Variants in RBBP5 observed in about 807,000 individuals in gnomAD.
The protein encoded by RBBP5 is RB binding protein 5, histone lysine methyltransferase complex subunit.
RBBP5 carries 5 observed loss-of-function variants against 72.2 expected under a neutral mutation model. The observed-to-expected ratio is 0.07, with a 90% CI of 0.04 to 0.15. The LOEUF is 0.15. Ranked by LOEUF, RBBP5 falls within the 10% of genes least tolerant of loss-of-function variation. The pLI is 1.00. For missense variants in RBBP5, 322 were observed against 652.2 expected (o/e 0.49, Z 5.51); for synonymous variants, 209 against 237.2 (o/e 0.88, Z 1.09).
intron 1 of RBBP5, chr1:205,116,409 T>C: frequency 3.9e-6 from 1 of 256,298 alleles, no homozygotes; most frequent in East Asian, 1.0e-4. Context: ...TTCTTAAAAG[T>C]ATAATAGGAT....
chr1:205,115,796 T>C, intron 2 of RBBP5, 62 bp downstream of exon 2: 2 of 1,480,310 alleles, frequency 1.4e-6, no homozygotes, highest in Non-Finnish European at 1.8e-6. Flanking sequence ...GTATTTTCTG[T>C]TCTAACATAA....
intron 11 of RBBP5, among the ~76,000 whole-genome samples, 159 bp from the exon 12 acceptor site, chr1:205,097,070 T>C (rs181852584): frequency 2.4e-4 from 37 of 152,300 alleles, no homozygotes; most frequent in African/African-American, 8.2e-4. Context: ...AACAATGTAA[T>C]TGATAAAATT....
At chr1:205,094,778 G>A (rs1369472788) in intron 13 of RBBP5, 95 bp downstream of exon 13, 3 of 1,312,650 alleles carry the variant, frequency 2.3e-6, no homozygotes, top group Non-Finnish European at 2.1e-6. Context: ...AACGAGGGAA[G>A]AGAGGGGGAA....
At chr1:205,091,084 T>C (rs964842049) in intron 13 of RBBP5, 1 of 152,382 alleles carries the variant, frequency 6.6e-6, no homozygotes, top group African/African-American at 2.4e-5. Context: ...TCGCTTCTGC[T>C]CACTTTGGCC....
intron 1 of RBBP5, among the ~76,000 whole-genome samples, chr1:205,117,116 A>G (rs1444430122): frequency 5.3e-5 from 8 of 151,832 alleles, no homozygotes; most frequent in Non-Finnish European, 1.2e-4. Flanking sequence ...CAGTGGTGCA[A>G]TCTTGGCTCA....
intron 6 of RBBP5, 136 bp downstream of exon 6, chr1:205,101,464 T>C: frequency 1.8e-6 from 1 of 569,850 alleles, no homozygotes; most frequent in Non-Finnish European, 3.0e-6. Context: ...AACCAGATAT[T>C]GTAAGTTTCT....
chr1:205,110,153 G>A (rs1385121653), intron 3 of RBBP5, among the ~76,000 whole-genome samples: 4 of 151,896 alleles, frequency 2.6e-5, no homozygotes, highest in Admixed American at 6.6e-5. Flanking sequence ...CCGAGTAGCT[G>A]GGATTACAGG....
rs1655166770 is a variant in RBBP5, at chr1:205,087,149, G to C, written c.*1638C>G. On this transcript the variant is annotated 3_prime_UTR_variant, in exon 14 of 14. Coordinates refer to ENST00000264515, the MANE Select transcript of RBBP5 (RefSeq NM_005057.4). ...TTGATTTCTATCCTAAAATCTAACAGGTAATCAATGTGTTTGGCTACCTAT... is the reference window on the plus strand; with the variant it reads ...TTGATTTCTATCCTAAAATCTAACACGTAATCAATGTGTTTGGCTACCTAT... 6.6e-6 allele frequency: 1 copy of C among 151,830 alleles called. No individual in the cohort carries two copies. The highest frequency in any genetic ancestry group is 2.4e-5 in the African/African-American group (1 of 41,318). 9.4% of individuals were successfully genotyped at this position (151,830 alleles called of 1,614,324 possible). A position where few individuals can be genotyped will look rare whatever the true frequency, so the allele number is the denominator to read the frequency against.
chr1:205,121,186 T>C (rs543360776), intron 1 of RBBP5, among the ~76,000 whole-genome samples: 1 of 152,324 alleles, frequency 6.6e-6, no homozygotes, highest in African/African-American at 2.4e-5. Context: ...AGAAAGGACC[T>C]ACAGTTTTTA....
intron 3 of RBBP5, among the ~76,000 whole-genome samples, chr1:205,106,809 T>A (rs1450059319): frequency 6.6e-6 from 1 of 152,004 alleles, no homozygotes; most frequent in African/African-American, 2.4e-5. Flanking sequence ...CTTCAACAAT[T>A]ATGAACATGC....
At position 205,088,569 on chromosome 1, in the gene RBBP5, A is replaced by G; in HGVS notation, c.*218T>C. 1 of 511,708 alleles carries G rather than the reference A, an allele frequency of 2.0e-6. No individual in the cohort carries two copies. Among genetic ancestry groups the G allele is most frequent in the Non-Finnish European group, 3.4e-6 (1 of 293,456 alleles). The allele number at this position is 511,708 out of a possible 1,614,324, so 31.7% of individuals were successfully genotyped here. A position where few individuals can be genotyped will look rare whatever the true frequency, so the allele number is the denominator to read the frequency against. On this transcript the variant is annotated 3_prime_UTR_variant, in exon 14 of 14. Transcript: ENST00000264515. ...ATGTCTTCACAAATCTTCATTCCTG[A>G]GAGTCTATTTGGACTTATGCTTGAA...
intron 5 of RBBP5, among the ~76,000 whole-genome samples, chr1:205,102,067 T>C (rs556285539): frequency 3.3e-5 from 5 of 152,222 alleles, no homozygotes; most frequent in Admixed American, 6.5e-5. Flanking sequence ...TGGCTAATTT[T>C]GTATTTTTAG....
At chr1:205,110,681 A>T (rs1182611607) in intron 3 of RBBP5, among the ~76,000 whole-genome samples, 1 of 152,200 alleles carries the variant, frequency 6.6e-6, no homozygotes, top group Non-Finnish European at 1.5e-5. Context: ...AATATATTCC[A>T]CACTCTTTAA....
intron 3 of RBBP5, among the ~76,000 whole-genome samples, chr1:205,107,394 T>C (rs1656115446): frequency 2.6e-5 from 4 of 151,872 alleles, no homozygotes; most frequent in Non-Finnish European, 5.9e-5. Flanking sequence ...GCCTTATCTA[T>C]AGGGGAACAA....
chr1:205,086,721 C>G lies in RBBP5; in HGVS notation c.*2066G>C, dbSNP rs1655155163. ...ATTAGGAGCTACTGCCAGAGACAATCTGACAGGGCTGAAGATGATTTTCTC... is the reference window on the plus strand; with the variant it reads ...ATTAGGAGCTACTGCCAGAGACAATGTGACAGGGCTGAAGATGATTTTCTC... On this transcript the variant is annotated 3_prime_UTR_variant, in exon 14 of 14. Coordinates refer to ENST00000264515, the MANE Select transcript of RBBP5 (RefSeq NM_005057.4). The G allele has an allele frequency of 6.6e-6, 1 of 152,116 alleles. No individual in the cohort carries two copies. Among genetic ancestry groups the G allele is most frequent in the Non-Finnish European group, 1.5e-5 (1 of 68,014 alleles). 9.4% of individuals were successfully genotyped at this position (152,116 alleles called of 1,614,324 possible).
intron 3 of RBBP5, among the ~76,000 whole-genome samples, chr1:205,114,061 G>A (rs1308998931): frequency 6.6e-6 from 1 of 152,230 alleles, no homozygotes; most frequent in Non-Finnish European, 1.5e-5. Context: ...AGATCATCCA[G>A]GCCAGTGCTT....
At chr1:205,095,439 G>A (rs2102267981) in intron 12 of RBBP5, among the ~76,000 whole-genome samples, 1 of 152,244 alleles carries the variant, frequency 6.6e-6, no homozygotes, top group South Asian at 2.1e-4. Context: ...TGTGGCCCAA[G>A]ACAATTATTC....
At chr1:205,113,412 C>T (rs1237552793) in intron 3 of RBBP5, among the ~76,000 whole-genome samples, 2 of 151,810 alleles carry the variant, frequency 1.3e-5, no homozygotes, top group South Asian at 2.1e-4. Context: ...TCCTAAGTAG[C>T]CAGGACTACA....
In RBBP5 at chr1:205,099,712, T is replaced by C. The variant is rs758739976; in HGVS notation, c.978+29A>G. On this transcript the variant is annotated intron_variant, in intron 9 of 13. Coordinates refer to ENST00000264515, the MANE Select transcript of RBBP5 (RefSeq NM_005057.4). This position sits in a 1 kb window ranked among gnomAD's most constrained non-coding sequence, Gnocchi z 4.7. ...TTTGATAAAAAGAAGGGGTAACTAGTTTCGAAGCAAGTAAAATAGAATACT... is the reference window on the plus strand; with the variant it reads ...TTTGATAAAAAGAAGGGGTAACTAGCTTCGAAGCAAGTAAAATAGAATACT... 1 of 1,570,088 alleles carries C rather than the reference T, an allele frequency of 6.4e-7. No homozygotes were observed.
Sources: allele counts gnomAD v4.1 joint callset (sites outside exome capture counted in the v4.1 genomes callset), GRCh38; gene constraint gnomAD v4.1.1; non-coding constraint Gnocchi (gnomAD v3.1); transcripts MANE v1.5; gene names NCBI Gene and HGNC (gene_info 2026-07-23, HGNC 2026-07-21).